TMEM178B: variants seen among roughly 807,000 people sequenced by gnomAD.
TMEM178B encodes transmembrane protein 178B.
TMEM178B carries 5 observed loss-of-function variants against 31.0 expected under a neutral mutation model. The ratio of observed to expected loss-of-function variants is 0.16; its 90% CI spans 0.08 to 0.34. The LOEUF is 0.34. Among genes scored for constraint, TMEM178B ranks in the 10% least tolerant of loss-of-function variants. The pLI, the probability that TMEM178B is intolerant of heterozygous loss-of-function variation, is 1.00. For synonymous variants in TMEM178B, 164 were observed against 164.0 expected (o/e 1.00, Z 0.00); for missense variants, 275 against 400.3 (o/e 0.69, Z 2.67).
intron 2 of TMEM178B, among the ~76,000 whole-genome samples, chr7:141,300,257 C>T (rs1400643589): frequency 6.6e-6 from 1 of 152,196 alleles, no homozygotes; most frequent in Admixed American, 6.5e-5. Flanking sequence ...CCACCGTTGC[C>T]TGCCCCACTG....
At chr7:141,102,301 C>T (rs138104478) in intron 1 of TMEM178B, among the ~76,000 whole-genome samples, 11 of 152,214 alleles carry the variant, frequency 7.2e-5, no homozygotes, top group Admixed American at 2.0e-4. Context: ...TATCTAAAAC[C>T]TTTCTCTTAT....
intron 1 of TMEM178B, among the ~76,000 whole-genome samples, chr7:141,132,655 G>T (rs1795612493): frequency 6.6e-6 from 1 of 152,076 alleles, no homozygotes; most frequent in African/African-American, 2.4e-5. Context: ...GGGTTGGCTG[G>T]CTGATGCTAC....
At position 141,473,278 on chromosome 7, in the gene TMEM178B, G is replaced by A. The variant is rs1010960550; in HGVS notation, c.*2492G>A. 4 of 152,268 alleles carry A rather than the reference G, an allele frequency of 2.6e-5. No homozygotes were observed. The highest frequency in any genetic ancestry group is 2.1e-4 in the South Asian group (1 of 4,826). 9.4% of individuals were successfully genotyped at this position (152,268 alleles called of 1,614,324 possible). On this transcript the variant is annotated 3_prime_UTR_variant, in exon 4 of 4. Coordinates refer to ENST00000565468, the MANE Select transcript of TMEM178B (RefSeq NM_001195278.2). The stretch of plus-strand genomic sequence containing the variant: ...GAGGCCTTTTGTCTTCCTTCCAAGC[G>A]TCCTGAAGGGGCTCTGCCGAGGAAG...
At chr7:141,464,880 G>A (rs1004961932) in intron 3 of TMEM178B, among the ~76,000 whole-genome samples, 1 of 152,158 alleles carries the variant, frequency 6.6e-6, no homozygotes, top group Admixed American at 6.5e-5. Context: ...GCCAGTGTGT[G>A]GAGCACGCAG....
In TMEM178B at chr7:141,351,486, C is replaced by T. The variant is rs192896119; in HGVS notation, c.497-86122C>T. Among the ~76,000 whole-genome samples the T allele has an allele frequency of 5.3e-5, 8 of 152,350 alleles. No homozygotes were observed. The East Asian group carries it at 1.5e-3, about 29-fold the overall frequency. On this transcript the variant is annotated intron_variant, in intron 2 of 3. Transcript: ENST00000565468. ...TGTGTGAGGCACAGGTGTGCAAGGA[C>T]AAGGTTACTTTTGCTGTATTCTGTT...
intron 3 of TMEM178B, among the ~76,000 whole-genome samples, chr7:141,447,526 C>T (rs1277562405): frequency 6.6e-6 from 1 of 152,104 alleles, no homozygotes; most frequent in Non-Finnish European, 1.5e-5. Flanking sequence ...GGCTGATGGA[C>T]TGAGGGGCGT....
chr7:141,139,553 G>A (rs568643356), intron 1 of TMEM178B, among the ~76,000 whole-genome samples: 11 of 152,164 alleles, frequency 7.2e-5, no homozygotes, highest in African/African-American at 2.6e-4. Flanking sequence ...ATGTTGACCA[G>A]GCTGGTCTTG....
In TMEM178B at chr7:141,446,475, G is replaced by A. The variant is rs146963057; in HGVS notation, c.634+8730G>A. On this transcript the variant is annotated intron_variant, in intron 3 of 3. Transcript: ENST00000565468. ...AGCAGCCCCTGGAAGGAAATGCAAA[G>A]GAGGATGGTTGGTGAAGGCATCTCA... is the stretch of plus-strand genomic sequence containing the variant. 3.8e-4 allele frequency among the ~76,000 whole-genome samples: 58 copies of A among 152,352 alleles called. No individual in the cohort carries two copies. The East Asian group carries it at 0.011, about 28-fold the overall frequency.
intron 1 of TMEM178B, among the ~76,000 whole-genome samples, chr7:141,106,185 C>T (rs1165476631): frequency 1.3e-5 from 2 of 151,710 alleles, no homozygotes. Context: ...TTTGACTTTG[C>T]ATTCTTCATA....
At chr7:141,139,280 A>C (rs566601192) in intron 1 of TMEM178B, among the ~76,000 whole-genome samples, 8 of 152,212 alleles carry the variant, frequency 5.3e-5, no homozygotes, top group Non-Finnish European at 1.0e-4. Flanking sequence ...CGGCCTGCCT[A>C]ATGGTTTCCA....
intron 2 of TMEM178B, among the ~76,000 whole-genome samples, chr7:141,265,642 A>G (rs1338487719): frequency 6.6e-6 from 1 of 152,196 alleles, no homozygotes; most frequent in African/African-American, 2.4e-5. Flanking sequence ...GGGTAGATAC[A>G]CAAGGCAGTT....
chr7:141,272,477 C>T (rs1798199586), intron 2 of TMEM178B, among the ~76,000 whole-genome samples: 1 of 152,176 alleles, frequency 6.6e-6, no homozygotes, highest in Non-Finnish European at 1.5e-5. Context: ...ATGGTTTAAA[C>T]CTTCTAAAGT....
intron 2 of TMEM178B, among the ~76,000 whole-genome samples, chr7:141,280,807 C>A (rs1481329939): frequency 2.6e-5 from 4 of 152,112 alleles, no homozygotes; most frequent in African/African-American, 9.7e-5. Flanking sequence ...TGTGCCCAGA[C>A]CCTGGGTCTC....
At chr7:141,407,290 G>A (rs1245362577) in intron 2 of TMEM178B, among the ~76,000 whole-genome samples, 1 of 152,208 alleles carries the variant, frequency 6.6e-6, no homozygotes, top group African/African-American at 2.4e-5. Context: ...CCTGTTTGAT[G>A]TCTGCAGCAA....
chr7:141,301,585 C>A, intron 2 of TMEM178B, among the ~76,000 whole-genome samples: 1 of 152,070 alleles, frequency 6.6e-6, no homozygotes, highest in Non-Finnish European at 1.5e-5. Context: ...TTAGATCGTT[C>A]CTGTTGTGCC....
At chr7:141,292,323 A>C (rs927485270) in intron 2 of TMEM178B, among the ~76,000 whole-genome samples, 2 of 152,170 alleles carry the variant, frequency 1.3e-5, no homozygotes, top group African/African-American at 4.8e-5. Flanking sequence ...TCTTTGGTTT[A>C]TTCTAATTTC....
At chr7:141,485,355 T>G (rs781329263), downstream of TMEM178B, among the ~76,000 whole-genome samples, 2 of 152,238 alleles carry the variant, frequency 1.3e-5, no homozygotes, top group Non-Finnish European at 2.9e-5. Flanking sequence ...GAGCTCAAAC[T>G]TGGCACCATC....
At chr7:141,126,525 C>T (rs1258078246) in intron 1 of TMEM178B, among the ~76,000 whole-genome samples, 2 of 152,180 alleles carry the variant, frequency 1.3e-5, no homozygotes, top group African/African-American at 2.4e-5. Context: ...CAATGTTACC[C>T]TCAAACCTGA....
At chr7:141,322,887 G>T (rs897534527) in intron 2 of TMEM178B, among the ~76,000 whole-genome samples, 1 of 152,132 alleles carries the variant, frequency 6.6e-6, no homozygotes, top group African/African-American at 2.4e-5. Context: ...TTTTGAGGTT[G>T]GGGTTCAAGA....
Sources: allele counts gnomAD v4.1 joint callset (sites outside exome capture counted in the v4.1 genomes callset), GRCh38; gene constraint gnomAD v4.1.1; transcripts MANE v1.5; gene names NCBI Gene and HGNC (gene_info 2026-07-23, HGNC 2026-07-21).